Variants in SLC25A19 observed in about 807,000 individuals in gnomAD.
The protein encoded by SLC25A19 is mitochondrial thiamine pyrophosphate carrier.
A neutral mutation model predicts 27.9 loss-of-function variants in SLC25A19; 18 were observed. That is an observed-to-expected ratio of 0.64 (90% CI 0.45 to 0.96). The LOEUF (loss-of-function observed/expected upper bound fraction) is 0.96, where lower values mean the gene tolerates loss of function less well. SLC25A19 is among the 40% of genes least tolerant of loss of function. The pLI, the probability that SLC25A19 is intolerant of heterozygous loss-of-function variation, is 0.00. For synonymous variants in SLC25A19, 169 were observed against 167.1 expected (o/e 1.01, Z -0.09); for missense variants, 371 against 418.3 (o/e 0.89, Z 0.99).
chr17:75,278,012 G>T, intron 6 of SLC25A19, 140 bp downstream of exon 6: 1 of 845,798 alleles, frequency 1.2e-6, no homozygotes. Flanking sequence ...CAGTTGTTTT[G>T]TTTGCCACAT....
Position 75,277,501 on chromosome 17 carries a change from G to T in SLC25A19, c.644-18C>A, listed in dbSNP as rs200104031. Reference sequence around the variant, plus strand: ...GAGGTTCTCTGAACCAGAGAAGTGGGATTGGGAGAATGGATGAGAGAAATG... The same window carrying T: ...GAGGTTCTCTGAACCAGAGAAGTGGTATTGGGAGAATGGATGAGAGAAATG... On this transcript the variant is annotated intron_variant, in intron 6 of 7. Transcript: ENST00000416858. 1.5e-4 allele frequency: 249 copies of T among 1,613,460 alleles called. No homozygotes were observed. Among genetic ancestry groups the T allele is most frequent in the Non-Finnish European group, 2.1e-4 (244 of 1,179,764 alleles).
chr17:75,275,360 A>G (rs2077856140), intron 7 of SLC25A19, among the ~76,000 whole-genome samples: 1 of 151,900 alleles, frequency 6.6e-6, no homozygotes, highest in African/African-American at 2.4e-5. Context: ...ATAACTATAA[A>G]CCCAGCTCTT....
At position 75,273,499 on chromosome 17, in the gene SLC25A19, G is replaced by A. The variant is rs770790594; in HGVS notation, c.915C>T (p.Phe305=). 1.2e-6 allele frequency: 2 copies of A among 1,614,218 alleles called. No individual in the cohort carries two copies. Among genetic ancestry groups the A allele is most frequent in the Middle Eastern group, 1.7e-4 (1 of 6,054 alleles). Residue 305 remains phenylalanine (F), a synonymous_variant, in exon 8 of 8, where the codon TTC becomes TTT. Transcript: ENST00000416858. ...TCATGCAGTGGAAGACATTACAGAA[G>A]AATTCATACGAGAAGAACATGAAGC... ...STGFMFFSYE[F]FCNVFHCMNR... is the part of the protein sequence containing the mutation.
chr17:75,284,640 T>C (rs866033070), intron 4 of SLC25A19, among the ~76,000 whole-genome samples: 56 of 147,396 alleles, frequency 3.8e-4, no homozygotes, highest in Non-Finnish European at 6.7e-4. Flanking sequence ...TTTCTTTTTT[T>C]TTTTTTTTTT....
Position 75,273,041 on chromosome 17 carries a change from G to A in SLC25A19, c.*410C>T. ...TAAATAGGTTGGAAAAACAGGCCAAGTGTAGGGACCTGACTCCTGCAAAGG... is the reference window on the plus strand; with the variant it reads ...TAAATAGGTTGGAAAAACAGGCCAAATGTAGGGACCTGACTCCTGCAAAGG... On this transcript the variant is annotated 3_prime_UTR_variant, in exon 8 of 8. Coordinates refer to ENST00000416858, the MANE Select transcript of SLC25A19 (RefSeq NM_001126121.2). 3.0e-6 allele frequency: 1 copy of A among 331,992 alleles called. No homozygotes were observed. Among genetic ancestry groups the A allele is most frequent in the Non-Finnish European group, 5.9e-6 (1 of 170,350 alleles). 20.6% of individuals were successfully genotyped at this position (331,992 alleles called of 1,614,324 possible).
At chr17:75,285,109 TATTTTTA>T (rs920105148) in intron 4 of SLC25A19, among the ~76,000 whole-genome samples, 3 of 151,376 alleles carry the variant, frequency 2.0e-5, no homozygotes, top group African/African-American at 7.3e-5. Context: ...ATTTATTTTT[TATTTTTA>T]GTAGAGAGGA....
At chr17:75,279,443 G>C (rs1054898434) in intron 5 of SLC25A19, among the ~76,000 whole-genome samples, 2 of 151,180 alleles carry the variant, frequency 1.3e-5, no homozygotes, top group South Asian at 4.2e-4. Flanking sequence ...GATATTCTCT[G>C]ATCATTCTAG....
intron 2 of SLC25A19, chr17:75,287,782 C>A (rs2078216999): frequency 6.6e-6 from 1 of 152,406 alleles, no homozygotes; most frequent in Non-Finnish European, 1.5e-5. Flanking sequence ...AGCCCCTTCA[C>A]CTTTCCCTTT....
In SLC25A19 at chr17:75,276,849, GTT is replaced by G. The variant is rs377387748; in HGVS notation, c.774+502_774+503del. Among the ~76,000 whole-genome samples, 164 of 134,074 alleles carry G rather than the reference GTT, an allele frequency of 1.2e-3. 1 individual carries two copies. Among genetic ancestry groups the G allele is most frequent in the Admixed American group, 4.7e-3 (63 of 13,430 alleles). The allele number at this position is 134,074 out of a possible 152,430, so 88.0% of individuals were successfully genotyped here. ...ACCACCACGCCCGGCTAATTTTTTT[GTT>G]TTTTTTTTTTTTTAGTAGAGATGGG... On this transcript the variant is annotated intron_variant, in intron 7 of 7. Coordinates refer to ENST00000416858, the MANE Select transcript of SLC25A19 (RefSeq NM_001126121.2).
Position 75,283,470 on chromosome 17 carries a change from G to A in SLC25A19, c.412C>T (p.Pro138Ser). ...AACMATLTVH[P>S]VDVLRTRFAA... ...AAGCGGGTGCGCAGAACATCCACGG[G>A]GTGCACAGTGAGGGTGGCCATACAG... Residue 138 changes from proline to serine, a missense_variant, in exon 5 of 8, where the codon CCC becomes TCC. Coordinates refer to ENST00000416858, the MANE Select transcript of SLC25A19 (RefSeq NM_001126121.2). The A allele has an allele frequency of 1.2e-6, 2 of 1,612,910 alleles. No homozygotes were observed. The highest frequency in any genetic ancestry group is 1.7e-6 in the Non-Finnish European group (2 of 1,179,832).
At chr17:75,284,945 G>A (rs1002756014) in intron 4 of SLC25A19, among the ~76,000 whole-genome samples, 6 of 151,054 alleles carry the variant, frequency 4.0e-5, no homozygotes, top group African/African-American at 1.5e-4. Flanking sequence ...GCTTGGCCCT[G>A]TTTTGCTTTT....
intron 4 of SLC25A19, among the ~76,000 whole-genome samples, chr17:75,285,312 T>C (rs1168401607): frequency 3.3e-5 from 5 of 152,148 alleles, no homozygotes; most frequent in Admixed American, 2.0e-4. Context: ...TCTGGCTGTG[T>C]TGCCCAGGCT....
At chr17:75,275,827 T>C (rs1319218767) in intron 7 of SLC25A19, among the ~76,000 whole-genome samples, 1 of 151,570 alleles carries the variant, frequency 6.6e-6, no homozygotes, top group Non-Finnish European at 1.5e-5. Flanking sequence ...ATACAAAAAT[T>C]AGGACATGGT....
rs762380062 is a variant in SLC25A19 at position 75,278,261 on chromosome 17, C to T, written c.534G>A (p.Leu178=). 1.7e-5 allele frequency: 27 copies of T among 1,614,022 alleles called. 1 individual carries two copies. In the South Asian group the frequency reaches 3.0e-4, roughly 18 times the overall value. The change falls in exon 6 of 8, where the codon TTG becomes TTA. Residue 178 remains leucine, a synonymous_variant. Transcript: ENST00000416858. ...GGAAGATGGCGATCAAGGTGGGAGC[C>T]AAGCCTTTGTAGAAAACCTGGGGGC... is the stretch of plus-strand genomic sequence containing the variant. ...SEGPQVFYKG[L]APTLIAIFPY...
At position 75,278,224 on chromosome 17, in the gene SLC25A19, G is replaced by A. The variant is rs200555825; in HGVS notation, c.571C>T (p.Leu191=). 12 of 1,614,056 alleles carry A rather than the reference G, an allele frequency of 7.4e-6. No individual in the cohort carries two copies. The highest frequency in any genetic ancestry group is 1.0e-5 in the Non-Finnish European group (12 of 1,180,020). ...TLIAIFPYAG[L]QFSCYSSLKH... is the part of the protein sequence containing the mutation. ...AAGGAGCTGTAGCAAGAGAACTGCA[G>A]CCCGGCGTAGGGGAAGATGGCGATC... Residue 191 remains leucine (L), a synonymous_variant, in exon 6 of 8, where the codon CTG becomes TTG. Transcript: ENST00000416858.
chr17:75,278,395 C>T lies in SLC25A19; in HGVS notation c.460-60G>A. On this transcript the variant is annotated intron_variant, in intron 5 of 7. Transcript: ENST00000416858. Reference sequence around the variant, plus strand: ...GAAGTGGTTTTAGCCCTGGAACAGCCCATCATAGCTCTGTCCCCTCGCCTA... The same window carrying T: ...GAAGTGGTTTTAGCCCTGGAACAGCTCATCATAGCTCTGTCCCCTCGCCTA... The T allele has an allele frequency of 1.9e-6, 3 of 1,586,798 alleles. No homozygotes were observed. In the South Asian group the frequency reaches 3.3e-5, roughly 18 times the overall value.
rs186778227 is a variant in SLC25A19, at chr17:75,275,932, C to G, written c.774+1421G>C. Among the ~76,000 whole-genome samples the G allele has an allele frequency of 2.7e-3, 413 of 150,970 alleles. 5 individuals carry two copies. Among genetic ancestry groups the G allele is most frequent in the African/African-American group, 9.9e-3 (406 of 41,030 alleles). On this transcript the variant is annotated intron_variant, in intron 7 of 7. Coordinates refer to ENST00000416858, the MANE Select transcript of SLC25A19 (RefSeq NM_001126121.2). The stretch of plus-strand genomic sequence containing the variant: ...GCTGCAGTGAGCCAAGATCACGCCA[C>G]TGCACTCCAGCCTGGGCAAAAGAGC...
intron 5 of SLC25A19, among the ~76,000 whole-genome samples, chr17:75,282,202 G>A (rs1354199853): frequency 6.6e-6 from 1 of 152,054 alleles, no homozygotes. Flanking sequence ...TCAGTGAGCA[G>A]TGATCATGCC....
rs2078181721 is a variant in SLC25A19 at position 75,286,375 on chromosome 17, C to T, written c.217G>A (p.Glu73Lys). ...CCTTTCCAGAAAGCTGTCGGACCCTCCTCCTGCAGAATCTGCCTAGAGGCC... is the reference window on the plus strand; with the variant it reads ...CCTTTCCAGAAAGCTGTCGGACCCTTCTCCTGCAGAATCTGCCTAGAGGCC... ...LQASRQILQE[E>K]GPTAFWKGHV... The change falls in exon 4 of 8, where the codon GAG (glutamate) becomes AAG (lysine). Residue 73 changes from glutamate to lysine, a missense_variant. By Grantham distance (56) the Glu-to-Lys change is moderately conservative. Transcript: ENST00000416858. The T allele has an allele frequency of 1.2e-6, 2 of 1,614,172 alleles. No individual in the cohort carries two copies. Among genetic ancestry groups the T allele is most frequent in the South Asian group, 1.1e-5 (1 of 91,086 alleles).
Sources: gnomAD v4.1 joint callset for allele counts (sites outside exome capture counted in the v4.1 genomes callset) on GRCh38, gnomAD v4.1.1 for gene constraint, MANE v1.5 for transcripts, NCBI Gene and HGNC (gene_info 2026-07-23, HGNC 2026-07-21) for gene names.